UBE2D1: variants seen among roughly 807,000 people sequenced by gnomAD.
UBE2D1 encodes the protein ubiquitin conjugating enzyme E2 D1.
UBE2D1 carries 9 observed loss-of-function variants against 24.6 expected under a neutral mutation model. The ratio of observed to expected loss-of-function variants is 0.37; its 90% CI spans 0.22 to 0.64. The LOEUF is 0.64. Ranked by LOEUF, UBE2D1 falls within the 30% of genes least tolerant of loss-of-function variation. The pLI is 0.64. For missense variants in UBE2D1, 87 were observed against 177.1 expected, an observed-to-expected ratio of 0.49 and a Z score of 2.89; for synonymous variants, 57 against 57.6, an observed-to-expected ratio of 0.99 and a Z score of 0.04.
intron 1 of UBE2D1, among the ~76,000 whole-genome samples, chr10:58,359,680 A>G (rs1253621236): frequency 2.6e-5 from 4 of 152,208 alleles, no homozygotes; most frequent in Non-Finnish European, 5.9e-5. Flanking sequence ...GTTCCGCCCT[A>G]TAGTAGTTAC....
At chr10:58,348,475 A>G (rs1233442728) in intron 1 of UBE2D1, among the ~76,000 whole-genome samples, 2 of 152,222 alleles carry the variant, frequency 1.3e-5, no homozygotes, top group Non-Finnish European at 2.9e-5. Flanking sequence ...TTGTTGTGTC[A>G]TGTTAATTAA....
chr10:58,344,719 A>G (rs1027609292), intron 1 of UBE2D1, among the ~76,000 whole-genome samples: 4 of 152,188 alleles, frequency 2.6e-5, no homozygotes, highest in Admixed American at 1.3e-4. Flanking sequence ...ATGTATTTCT[A>G]TTATTGCACT....
chr10:58,364,206 A>AG (rs1227082491), intron 4 of UBE2D1, among the ~76,000 whole-genome samples: 1 of 152,138 alleles, frequency 6.6e-6, no homozygotes, highest in African/African-American at 2.4e-5. Context: ...GATATCAGGG[A>AG]GGGGAAAAGT....
At chr10:58,342,660 C>T (rs886065568) in intron 1 of UBE2D1, among the ~76,000 whole-genome samples, 6 of 151,972 alleles carry the variant, frequency 3.9e-5, no homozygotes, top group African/African-American at 1.5e-4. Flanking sequence ...CTTTTTATCT[C>T]TTCTTTGACC....
At chr10:58,347,716 C>T (rs1341539879) in intron 1 of UBE2D1, among the ~76,000 whole-genome samples, 4 of 147,358 alleles carry the variant, frequency 2.7e-5, no homozygotes, top group South Asian at 2.1e-4. Flanking sequence ...GGCACAATCT[C>T]GGCTTGCTGC....
rs997333950 is a variant in UBE2D1 at position 58,335,067 on chromosome 10, C to T, written c.-135C>T. On this transcript the variant is annotated 5_prime_UTR_variant, in exon 1 of 7. Coordinates refer to ENST00000373910, the MANE Select transcript of UBE2D1 (RefSeq NM_003338.5). ...AGCAGGGACCGGCGCCCGGAGCGAG[C>T]CAGGGAGCGGCTAACCGGGGACCCA... 1 of 927,088 alleles carries T rather than the reference C, an allele frequency of 1.1e-6. No homozygotes were observed. Among genetic ancestry groups the T allele is most frequent in the Non-Finnish European group, 1.6e-6 (1 of 616,756 alleles). 57.4% of individuals were successfully genotyped at this position (927,088 alleles called of 1,614,324 possible). A position where few individuals can be genotyped will look rare whatever the true frequency, so the allele number is the denominator to read the frequency against.
intron 5 of UBE2D1, among the ~76,000 whole-genome samples, chr10:58,366,218 TA>T (rs1840253697): frequency 6.6e-6 from 1 of 152,194 alleles, no homozygotes; most frequent in African/African-American, 2.4e-5. Context: ...AGATATTGAG[TA>T]CTTATATTCT....
rs1458837294 is a variant in UBE2D1, at chr10:58,344,867, G to T, written c.24+9642G>T. 3.4e-3 allele frequency among the ~76,000 whole-genome samples: 442 copies of T among 130,634 alleles called. 2 individuals carry two copies. Among genetic ancestry groups the T allele is most frequent in the African/African-American group, 3.7e-3 (133 of 35,478 alleles). The allele number at this position is 130,634 out of a possible 152,430, so 85.7% of individuals were successfully genotyped here. A position where few individuals can be genotyped will look rare whatever the true frequency, so the allele number is the denominator to read the frequency against. ...CTGCCTTATAGGTAATAGTTTTTTT[G>T]TTTTTTTTTTTTTTAATGACAAAGT... On this transcript the variant is annotated intron_variant, in intron 1 of 6. Transcript: ENST00000373910.
At position 58,335,067 on chromosome 10, in the gene UBE2D1, C is replaced by A; in HGVS notation, c.-135C>A. The A allele has an allele frequency of 1.1e-6, 1 of 927,088 alleles. No homozygotes were observed. Among genetic ancestry groups the A allele is most frequent in the Non-Finnish European group, 1.6e-6 (1 of 616,754 alleles). The allele number at this position is 927,088 out of a possible 1,614,324, so 57.4% of individuals were successfully genotyped here. A position where few individuals can be genotyped will look rare whatever the true frequency, so the allele number is the denominator to read the frequency against. ...AGCAGGGACCGGCGCCCGGAGCGAG[C>A]CAGGGAGCGGCTAACCGGGGACCCA... On this transcript the variant is annotated 5_prime_UTR_variant, in exon 1 of 7. Transcript: ENST00000373910.
chr10:58,343,053 ACT>A (rs1311680790), intron 1 of UBE2D1, among the ~76,000 whole-genome samples: 1 of 151,662 alleles, frequency 6.6e-6, no homozygotes. Context: ...CTGGTCTTAA[ACT>A]TCTGACCTCA....
Position 58,367,867 on chromosome 10 carries a change from A to G in UBE2D1, c.305-56A>G, listed in dbSNP as rs531786752. ...TCACTAAAATTATTTTCACATATGT[A>G]ATTTGTATGAAGTAGAAGGGTTATT... On this transcript the variant is annotated intron_variant, in intron 5 of 6. Transcript: ENST00000373910. 5.0e-6 allele frequency: 6 copies of G among 1,190,290 alleles called. No homozygotes were observed. The East Asian group carries it at 1.2e-4, about 23-fold the overall frequency. The allele number at this position is 1,190,290 out of a possible 1,614,324, so 73.7% of individuals were successfully genotyped here. A position where few individuals can be genotyped will look rare whatever the true frequency, so the allele number is the denominator to read the frequency against.
intron 1 of UBE2D1, 136 bp from the exon 2 acceptor site, chr10:58,361,202 C>T (rs954724295): frequency 7.1e-6 from 6 of 843,206 alleles, no homozygotes; most frequent in Non-Finnish European, 1.1e-5. Context: ...TGACAGAGTA[C>T]AATTTATGTT....
chr10:58,364,030 GT>G (rs10708236), intron 4 of UBE2D1, among the ~76,000 whole-genome samples: 7,044 of 141,512 alleles, frequency 0.05, 373 homozygotes, highest in East Asian at 0.32. Flanking sequence ...TTCTTTCTCT[GT>G]TTTTTTTTTT....
At chr10:58,337,368 C>T (rs1241525633) in intron 1 of UBE2D1, among the ~76,000 whole-genome samples, 1 of 152,130 alleles carries the variant, frequency 6.6e-6, no homozygotes, top group African/African-American at 2.4e-5. Flanking sequence ...CCTACTTTTC[C>T]TCCTCCTTTA....
intron 1 of UBE2D1, among the ~76,000 whole-genome samples, chr10:58,351,955 T>C (rs1840081678): frequency 6.6e-6 from 1 of 152,208 alleles, no homozygotes. Context: ...TGAGACATTA[T>C]GTGGCACGTA....
chr10:58,336,880 C>T (rs1839909151), intron 1 of UBE2D1, among the ~76,000 whole-genome samples: 2 of 152,144 alleles, frequency 1.3e-5, no homozygotes, highest in African/African-American at 4.8e-5. Context: ...ATTGCCCATG[C>T]TGATCTTGAA....
chr10:58,368,350 C>T (rs945755045), intron 6 of UBE2D1: 4 of 258,822 alleles, frequency 1.5e-5, no homozygotes, highest in Non-Finnish European at 2.2e-5. Flanking sequence ...GGAGTTCTCT[C>T]GTACCCATCC....
At chr10:58,349,762 A>G (rs1171196796) in intron 1 of UBE2D1, among the ~76,000 whole-genome samples, 2 of 152,184 alleles carry the variant, frequency 1.3e-5, no homozygotes, top group Non-Finnish European at 2.9e-5. Context: ...CAGCTCAAGA[A>G]ATAGTATTAC....
chr10:58,347,636 ACT>A (rs1218169954), intron 1 of UBE2D1, among the ~76,000 whole-genome samples: 10 of 124,562 alleles, frequency 8.0e-5, no homozygotes, highest in African/African-American at 3.3e-4. Context: ...TCTAAATTAC[ACT>A]CTTTTTTTTT....
Sources: gnomAD v4.1 joint callset for allele counts (sites outside exome capture counted in the v4.1 genomes callset) on GRCh38, gnomAD v4.1.1 for gene constraint, MANE v1.5 for transcripts, NCBI Gene and HGNC (gene_info 2026-07-23, HGNC 2026-07-21) for gene names.